ADAMTSL1: variants seen among roughly 807,000 people sequenced by gnomAD.
ADAMTSL1 encodes the protein ADAMTS like 1, also known as ADAMTS-like protein 1.
Under a neutral mutation model 201.8 loss-of-function variants are expected in ADAMTSL1, and 126 were observed. The observed-to-expected ratio is 0.62, with a 90% CI of 0.54 to 0.72. The LOEUF (loss-of-function observed/expected upper bound fraction) is 0.72. ADAMTSL1 is among the 30% of genes least tolerant of loss of function. ADAMTSL1 has a pLI of 0.00. For missense variants in ADAMTSL1, 2,679 were observed against 2,277.8 expected, an observed-to-expected ratio of 1.18 and a Z score of -3.59; for synonymous variants, 1,121 against 903.4, an observed-to-expected ratio of 1.24 and a Z score of -4.32.
intron 1 of ADAMTSL1, among the ~76,000 whole-genome samples, chr9:18,160,625 C>G (rs1332980397): frequency 6.6e-6 from 1 of 151,678 alleles, no homozygotes; most frequent in African/African-American, 2.4e-5. Flanking sequence ...AATTGGGAAT[C>G]CTGGTCTGAG....
chr9:18,208,894 C>T (rs1829757507), intron 2 of ADAMTSL1, among the ~76,000 whole-genome samples: 1 of 152,140 alleles, frequency 6.6e-6, no homozygotes, highest in Non-Finnish European at 1.5e-5. Context: ...GACTTCTAAA[C>T]TTGATTACCT....
chr9:18,312,900 C>G (rs188206980), intron 2 of ADAMTSL1, among the ~76,000 whole-genome samples: 5 of 152,160 alleles, frequency 3.3e-5, no homozygotes, highest in African/African-American at 1.2e-4. Flanking sequence ...CAGCCAGTAA[C>G]GCATGCACTT....
chr9:18,897,856 G>T (rs1425350317), intron 26 of ADAMTSL1, among the ~76,000 whole-genome samples: 1 of 152,148 alleles, frequency 6.6e-6, no homozygotes. Flanking sequence ...AGGCTGAGAT[G>T]GTTGAATTGA....
intron 28 of ADAMTSL1, 166 bp from the exon 29 acceptor site, chr9:18,908,276 G>A: frequency 1.5e-6 from 1 of 647,526 alleles, no homozygotes; most frequent in East Asian, 2.8e-5. Flanking sequence ...GGGAGCAAGT[G>A]GCTGAGCTCT....
At chr9:18,429,867 G>A (rs1040579454) in intron 2 of ADAMTSL1, among the ~76,000 whole-genome samples, 5 of 152,050 alleles carry the variant, frequency 3.3e-5, no homozygotes, top group Non-Finnish European at 5.9e-5. Flanking sequence ...TCGGCTCACT[G>A]CAACCTCTGC....
intron 19 of ADAMTSL1, among the ~76,000 whole-genome samples, chr9:18,779,621 C>T (rs1452403128): frequency 6.6e-6 from 1 of 152,202 alleles, no homozygotes; most frequent in Non-Finnish European, 1.5e-5. Context: ...CCCTCCAGCC[C>T]CCACAACTCA....
At chr9:18,311,881 A>G (rs1473890217) in intron 2 of ADAMTSL1, among the ~76,000 whole-genome samples, 1 of 152,214 alleles carries the variant, frequency 6.6e-6, no homozygotes, top group Admixed American at 6.5e-5. Flanking sequence ...TGTGGCTGAA[A>G]AGGCATTTGT....
chr9:18,316,110 A>G (rs1302168022), intron 2 of ADAMTSL1, among the ~76,000 whole-genome samples: 2 of 152,154 alleles, frequency 1.3e-5, no homozygotes, highest in African/African-American at 4.8e-5. Flanking sequence ...GGATTTTCAA[A>G]AGGGGAGGGA....
chr9:18,608,426 A>G (rs1825164063), intron 4 of ADAMTSL1, among the ~76,000 whole-genome samples: 1 of 152,230 alleles, frequency 6.6e-6, no homozygotes, highest in African/African-American at 2.4e-5. Context: ...GCAGGAAAGA[A>G]AAAGAATTCA....
intron 26 of ADAMTSL1, among the ~76,000 whole-genome samples, chr9:18,904,636 A>G (rs1260166582): frequency 5.8e-5 from 2 of 34,428 alleles, no homozygotes; most frequent in Non-Finnish European, 1.1e-4. Context: ...CCTGCCTCAA[A>G]AAAAAAAAAA....
chr9:18,161,851 T>C (rs1463398152), intron 1 of ADAMTSL1, among the ~76,000 whole-genome samples: 2 of 152,068 alleles, frequency 1.3e-5, no homozygotes, highest in Non-Finnish European at 2.9e-5. Context: ...GAAGGCTACA[T>C]TTCCATGAAT....
At chr9:18,179,143 A>C (rs1828327161) in intron 2 of ADAMTSL1, among the ~76,000 whole-genome samples, 3 of 152,140 alleles carry the variant, frequency 2.0e-5, no homozygotes. Flanking sequence ...ATTTAGAAGA[A>C]TGTATAACTA....
chr9:18,787,965 T>C (rs1256646570), intron 19 of ADAMTSL1, among the ~76,000 whole-genome samples: 1 of 152,176 alleles, frequency 6.6e-6, no homozygotes, highest in Non-Finnish European at 1.5e-5. Context: ...TTAAAGGGTC[T>C]GGCAAAAAGA....
chr9:18,350,375 A>T (rs569376532), intron 2 of ADAMTSL1, among the ~76,000 whole-genome samples: 7 of 152,130 alleles, frequency 4.6e-5, no homozygotes, highest in East Asian at 1.9e-4. Context: ...TTTGGGCCCA[A>T]TGTAAAAAAT....
intron 19 of ADAMTSL1, among the ~76,000 whole-genome samples, chr9:18,782,189 G>C (rs1821432283): frequency 6.6e-6 from 1 of 152,226 alleles, no homozygotes; most frequent in Non-Finnish European, 1.5e-5. Context: ...GAAATTCAAA[G>C]TCCAGTTTGG....
chr9:18,327,208 G>C (rs1227066744), intron 2 of ADAMTSL1, among the ~76,000 whole-genome samples: 1 of 152,160 alleles, frequency 6.6e-6, no homozygotes, highest in Non-Finnish European at 1.5e-5. Context: ...AGAAACCTTT[G>C]CTGTTCTGAT....
chr9:18,642,387 A>T (rs1009923408), intron 7 of ADAMTSL1, among the ~76,000 whole-genome samples: 1 of 152,044 alleles, frequency 6.6e-6, no homozygotes, highest in Non-Finnish European at 1.5e-5. Flanking sequence ...AGCTGAACTG[A>T]GCTAATTAAC....
chr9:18,755,941 A>G (rs539249600), intron 16 of ADAMTSL1, among the ~76,000 whole-genome samples: 166 of 151,670 alleles, frequency 1.1e-3, no homozygotes, highest in African/African-American at 3.6e-3. Flanking sequence ...AATAATTGTG[A>G]AAAATAGTCA....
intron 10 of ADAMTSL1, among the ~76,000 whole-genome samples, chr9:18,677,008 A>G (rs376446527): frequency 1.2e-4 from 18 of 152,182 alleles, no homozygotes; most frequent in Admixed American, 9.8e-4. Context: ...ATATGCATTC[A>G]TATATTCAAT....
Sources: gnomAD v4.1 joint callset for allele counts (sites outside exome capture counted in the v4.1 genomes callset) on GRCh38, gnomAD v4.1.1 for gene constraint, MANE v1.5 for transcripts, NCBI Gene and HGNC (gene_info 2026-07-23, HGNC 2026-07-21) for gene names.